SGCD: variants seen among roughly 807,000 people sequenced by gnomAD.
The protein encoded by SGCD is delta-sarcoglycan.
SGCD carries 18 observed loss-of-function variants against 36.6 expected under a neutral mutation model. That is an observed-to-expected ratio of 0.49 (90% confidence interval 0.34 to 0.73). The LOEUF (loss-of-function observed/expected upper bound fraction) is 0.73, where lower values mean the gene tolerates loss of function less well. Ranked by LOEUF, SGCD falls within the 30% of genes least tolerant of loss-of-function variation. The pLI is 0.01. For missense variants in SGCD, 387 were observed against 346.7 expected, an observed-to-expected ratio of 1.12 and a Z score of -0.92; for synonymous variants, 133 against 130.6, an observed-to-expected ratio of 1.02 and a Z score of -0.12.
chr5:156,419,510 C>G (rs1479234877), intron 3 of SGCD, among the ~76,000 whole-genome samples: 2 of 152,082 alleles, frequency 1.3e-5, no homozygotes, highest in African/African-American at 4.8e-5. Context: ...TTCTTCTGAA[C>G]AGGGATACAG....
At chr5:156,332,367 G>T (rs557587851) in intron 2 of SGCD, among the ~76,000 whole-genome samples, 2 of 152,230 alleles carry the variant, frequency 1.3e-5, no homozygotes, top group Non-Finnish European at 2.9e-5. Context: ...CATTCCCTAT[G>T]TAATTTCTTG....
At chr5:156,745,321 C>T (rs182391962) in intron 7 of SGCD, among the ~76,000 whole-genome samples, 1 of 152,200 alleles carries the variant, frequency 6.6e-6, no homozygotes, top group East Asian at 1.9e-4. Flanking sequence ...TTGATAACTT[C>T]AAACTGGCCT....
chr5:155,835,582 G>C, the SGCD span, among the ~76,000 whole-genome samples: 1 of 152,166 alleles, frequency 6.6e-6, no homozygotes, highest in African/African-American at 2.4e-5. Context: ...CATATACATA[G>C]TGAGATGGTT....
Position 156,463,027 on chromosome 5 carries a change from T to C in SGCD, c.193-45574T>C, listed in dbSNP as rs111576951. On this transcript the variant is annotated intron_variant, in intron 3 of 8. Coordinates refer to ENST00000337851, the MANE Select transcript of SGCD (RefSeq NM_000337.6). ...AGCATGAAATAAACCCAACTCTCTC[T>C]TCTTTCAAACTCTTCCCTCAATTTG... Among the ~76,000 whole-genome samples, 607 of 152,330 alleles carry C rather than the reference T, an allele frequency of 4.0e-3. 2 individuals carry two copies. The highest frequency in any genetic ancestry group is 0.014 in the African/African-American group (574 of 41,576).
intron 3 of SGCD, among the ~76,000 whole-genome samples, chr5:156,357,229 T>C (rs564598199): frequency 2.2e-4 from 34 of 152,302 alleles, no homozygotes; most frequent in Admixed American, 1.6e-3. Context: ...CTCCTCACAA[T>C]GACCCTGTGA....
At chr5:156,227,876 T>C (rs1764897617) in intron 3 of SGCD, among the ~76,000 whole-genome samples, 1 of 152,188 alleles carries the variant, frequency 6.6e-6, no homozygotes, top group East Asian at 1.9e-4. Context: ...TTTTTTAATT[T>C]CCGTCTTGAT....
intron 4 of SGCD, among the ~76,000 whole-genome samples, chr5:156,533,985 T>A (rs1162949624): frequency 1.7e-5 from 2 of 117,500 alleles, no homozygotes; most frequent in Non-Finnish European, 4.0e-5. Context: ...TGAAGACTTT[T>A]CTTTTATCTC....
At chr5:156,096,006 A>G (rs776415226) in intron 1 of SGCD, among the ~76,000 whole-genome samples, 7 of 152,194 alleles carry the variant, frequency 4.6e-5, no homozygotes, top group Non-Finnish European at 7.3e-5. Context: ...CTCAGATTCC[A>G]CTTTCCTTGT....
At chr5:156,348,484 G>A (rs556308642) in intron 3 of SGCD, among the ~76,000 whole-genome samples, 5 of 152,044 alleles carry the variant, frequency 3.3e-5, no homozygotes, top group African/African-American at 7.2e-5. Context: ...GAGAAATTAA[G>A]CACTCAATCT....
chr5:155,820,457 C>T, the SGCD span, among the ~76,000 whole-genome samples: 2 of 151,688 alleles, frequency 1.3e-5, no homozygotes, highest in Non-Finnish European at 2.9e-5. Context: ...CTCTGGAATT[C>T]GAGACTAGCC....
the SGCD span, among the ~76,000 whole-genome samples, chr5:155,741,713 G>T: frequency 9.6e-5 from 14 of 146,064 alleles, no homozygotes; most frequent in African/African-American, 3.3e-4. Context: ...TTTAATTAGG[G>T]ACTAAGTCTT....
chr5:155,929,732 C>T (rs1174650055), intron 1 of SGCD, among the ~76,000 whole-genome samples: 1 of 152,176 alleles, frequency 6.6e-6, no homozygotes, highest in Non-Finnish European at 1.5e-5. Flanking sequence ...TTAATCTCAA[C>T]CTCTTTTCCT....
chr5:156,673,561 C>T (rs1166846826), intron 7 of SGCD, among the ~76,000 whole-genome samples: 1 of 152,112 alleles, frequency 6.6e-6, no homozygotes, highest in Non-Finnish European at 1.5e-5. Context: ...ACAAATATAA[C>T]CTGACTCGTT....
intron 1 of SGCD, among the ~76,000 whole-genome samples, chr5:156,067,862 C>A (rs1332107464): frequency 3.7e-5 from 5 of 135,084 alleles, no homozygotes; most frequent in African/African-American, 1.1e-4. Flanking sequence ...GAGAGATGAA[C>A]CCGGTACCTC....
chr5:156,090,571 A>C (rs1452126126), intron 1 of SGCD, among the ~76,000 whole-genome samples: 1 of 152,234 alleles, frequency 6.6e-6, no homozygotes, highest in East Asian at 1.9e-4. Flanking sequence ...ATAAAGGTCC[A>C]TGTCCCACTG....
intron 3 of SGCD, among the ~76,000 whole-genome samples, chr5:156,305,024 T>C (rs1173167274): frequency 1.3e-5 from 2 of 152,144 alleles, no homozygotes; most frequent in Non-Finnish European, 2.9e-5. Context: ...TTCAGTTTTA[T>C]AAAAGAAGTA....
chr5:156,755,995 A>T (rs1321311380), intron 7 of SGCD, among the ~76,000 whole-genome samples: 1 of 152,174 alleles, frequency 6.6e-6, no homozygotes, highest in East Asian at 1.9e-4. Flanking sequence ...TCTGTTTGCC[A>T]CTTACTGAGG....
Position 156,180,218 on chromosome 5 carries a change from C to G in SGCD, c.-44+56199C>G, listed in dbSNP as rs151092825. 5.3e-4 allele frequency among the ~76,000 whole-genome samples: 81 copies of G among 152,220 alleles called. 1 individual carries two copies. Among genetic ancestry groups the G allele is most frequent in the Non-Finnish European group, 8.7e-4 (59 of 68,008 alleles). On this transcript the variant is annotated intron_variant, in intron 3 of 9. Transcript: ENST00000517913. ...CAATAGCATTTCCTTAGTCTGATCA[C>G]AAACATATACAAAAATTGCTAAGAA...
the SGCD span, among the ~76,000 whole-genome samples, chr5:155,733,264 T>C: frequency 6.6e-6 from 1 of 152,152 alleles, no homozygotes; most frequent in Non-Finnish European, 1.5e-5. Flanking sequence ...TCAGAATAGA[T>C]CAGTGCCTCA....
Sources: gnomAD v4.1 joint callset for allele counts (sites outside exome capture counted in the v4.1 genomes callset) on GRCh38, gnomAD v4.1.1 for gene constraint, MANE v1.5 for transcripts, NCBI Gene and HGNC (gene_info 2026-07-23, HGNC 2026-07-21) for gene names.